ARNT: variants seen among roughly 807,000 people sequenced by gnomAD.
The protein encoded by ARNT is aryl hydrocarbon receptor nuclear translocator, also known as class E basic helix-loop-helix protein 2.
In ARNT, 30 loss-of-function variants were observed where a neutral mutation model predicts 105.0. The observed-to-expected ratio is 0.29, with a 90% CI of 0.21 to 0.39. The LOEUF is 0.39. Among genes scored for constraint, ARNT ranks in the 10% least tolerant of loss-of-function variants. ARNT has a pLI of 1.00. For missense variants in ARNT, 748 were observed against 978.7 expected, an observed-to-expected ratio of 0.76 and a Z score of 3.15; for synonymous variants, 304 against 344.0, an observed-to-expected ratio of 0.88 and a Z score of 1.29.
At chr1:150,832,902 C>A (rs1245816556) in intron 8 of ARNT, among the ~76,000 whole-genome samples, 2 of 152,210 alleles carry the variant, frequency 1.3e-5, no homozygotes, top group Non-Finnish European at 2.9e-5. Flanking sequence ...TTAGCCATGT[C>A]CACATATTGG....
At chr1:150,813,618 AT>A (rs1172505788) in intron 20 of ARNT, among the ~76,000 whole-genome samples, 1 of 150,898 alleles carries the variant, frequency 6.6e-6, no homozygotes, top group African/African-American at 2.4e-5. Flanking sequence ...GTGCTAAAGT[AT>A]TTTTCATGTG....
chr1:150,815,318 G>A (rs1158280435), intron 19 of ARNT, among the ~76,000 whole-genome samples: 7 of 152,140 alleles, frequency 4.6e-5, no homozygotes, highest in African/African-American at 1.7e-4. Context: ...GGAGGCCGAG[G>A]AGGGCGGATC....
In ARNT at chr1:150,830,051, A is replaced by C. The variant is rs1659076273; in HGVS notation, c.956-71T>G. ...AAATGCCTTCAAAACTCAGACAAGT[A>C]AAGATTCAAAATAGACCTATTTATG... On this transcript the variant is annotated intron_variant, in intron 10 of 21. Coordinates refer to ENST00000358595, the MANE Select transcript of ARNT (RefSeq NM_001668.4). 5.8e-6 allele frequency: 9 copies of C among 1,545,722 alleles called. No individual in the cohort carries two copies. In the Admixed American group the frequency reaches 1.6e-4, roughly 27 times the overall value.
In ARNT at chr1:150,846,388, T is replaced by A. The variant is rs1475946196; in HGVS notation, c.183-81A>T. ...CTCTGAAAAGTAAACTAGAAAGGGG[T>A]GAAAATATTCAATAGAAAAAAAGCC... On this transcript the variant is annotated intron_variant, in intron 3 of 21. Transcript: ENST00000358595. The A allele has an allele frequency of 4.3e-6, 6 of 1,395,624 alleles. No individual in the cohort carries two copies. The East Asian group carries it at 1.4e-4, about 33-fold the overall frequency. The allele number at this position is 1,395,624 out of a possible 1,614,324, so 86.5% of individuals were successfully genotyped here. A position where few individuals can be genotyped will look rare whatever the true frequency, so the allele number is the denominator to read the frequency against.
intron 1 of ARNT, among the ~76,000 whole-genome samples, chr1:150,867,049 T>C (rs964142796): frequency 3.3e-5 from 5 of 151,180 alleles, no homozygotes; most frequent in African/African-American, 9.7e-5. Flanking sequence ...CTACTAAAGA[T>C]ACAAAAAATT....
intron 5 of ARNT, among the ~76,000 whole-genome samples, 169 bp from the exon 6 acceptor site, chr1:150,839,823 C>T (rs587687688): frequency 6.6e-6 from 1 of 152,308 alleles, no homozygotes; most frequent in Admixed American, 6.5e-5. Flanking sequence ...TCATGCAAAG[C>T]AAGCATGAAA....
intron 21 of ARNT, 147 bp downstream of exon 21, chr1:150,813,025 T>G: frequency 1.1e-6 from 1 of 872,602 alleles, no homozygotes; most frequent in Non-Finnish European, 1.7e-6. Context: ...TAACTGACAG[T>G]GATCCCTACA....
intron 11 of ARNT, 95 bp downstream of exon 11, chr1:150,829,809 T>A: frequency 7.5e-7 from 1 of 1,327,978 alleles, no homozygotes; most frequent in East Asian, 2.3e-5. Context: ...GAATTCTTCA[T>A]TTGTATTCAG....
At chr1:150,870,879 A>G (rs969650842) in intron 1 of ARNT, among the ~76,000 whole-genome samples, 1 of 151,880 alleles carries the variant, frequency 6.6e-6, no homozygotes, top group African/African-American at 2.4e-5. Flanking sequence ...GGGAAAATAT[A>G]AAATGGGCCT....
intron 12 of ARNT, among the ~76,000 whole-genome samples, chr1:150,827,850 T>G (rs1331299817): frequency 6.6e-6 from 1 of 152,242 alleles, no homozygotes; most frequent in African/African-American, 2.4e-5. Context: ...ACTTTTTGAT[T>G]ACAGCCATTC....
intron 2 of ARNT, among the ~76,000 whole-genome samples, chr1:150,855,965 C>A (rs1014205465): frequency 3.3e-5 from 5 of 151,598 alleles, no homozygotes; most frequent in Non-Finnish European, 5.9e-5. Context: ...TGTGTGTGTG[C>A]GTGTGTATTG....
At chr1:150,848,456 A>C (rs1280597991) in intron 3 of ARNT, among the ~76,000 whole-genome samples, 1 of 48,174 alleles carries the variant, frequency 2.1e-5, no homozygotes, top group Non-Finnish European at 4.0e-5. Context: ...GACTCCTCTC[A>C]AAAAAAAAAA....
At chr1:150,846,230 T>C (rs1479736574) in intron 4 of ARNT, 33 bp downstream of exon 4, 4 of 1,564,682 alleles carry the variant, frequency 2.6e-6, no homozygotes, top group Non-Finnish European at 3.5e-6. Flanking sequence ...GATCATATTA[T>C]ATATTACAAT....
intron 1 of ARNT, among the ~76,000 whole-genome samples, chr1:150,871,720 G>A (rs1667468003): frequency 6.9e-6 from 1 of 145,532 alleles, no homozygotes; most frequent in South Asian, 2.3e-4. Context: ...GACCAGCCTG[G>A]CCAACATGGA....
chr1:150,814,327 C>CT, intron 19 of ARNT, 88 bp from the exon 20 acceptor site: 1 of 1,310,344 alleles, frequency 7.6e-7, no homozygotes, highest in Non-Finnish European at 1.1e-6. Flanking sequence ...CACTGTCAAT[C>CT]ACTGCATCCT....
chr1:150,864,770 A>AAT lies in ARNT; in HGVS notation c.26-6311_26-6310insAT, dbSNP rs1557960674. ...TAAAACTTAAAGTATAATAAAAAAT[A>AAT]AATAAATAAATAAATAAATAAATAA... is the stretch of plus-strand genomic sequence containing the variant. On this transcript the variant is annotated intron_variant, in intron 1 of 21. Transcript: ENST00000358595. 2.1e-4 allele frequency among the ~76,000 whole-genome samples: 17 copies of AAT among 79,422 alleles called. 1 individual carries two copies. In the South Asian group the frequency reaches 4.3e-3, roughly 20 times the overall value. 52.1% of individuals were successfully genotyped at this position (79,422 alleles called of 152,430 possible).
rs778885896 is a variant in ARNT at position 150,823,978 on chromosome 1, G to A, written c.1243-633C>T. Among the ~76,000 whole-genome samples, 19 of 149,794 alleles carry A rather than the reference G, an allele frequency of 1.3e-4. No homozygotes were observed. In the Middle Eastern group the frequency reaches 0.011, roughly 85 times the overall value. On this transcript the variant is annotated intron_variant, in intron 13 of 21. Coordinates refer to ENST00000358595, the MANE Select transcript of ARNT (RefSeq NM_001668.4). ...CTGCCTCAGCCTCCCAAGTAGCTGA[G>A]ATTATAGGCACGTGCCACCACGCCC...
chr1:150,829,176 C>T lies in ARNT; in HGVS notation c.1084G>A (p.Glu362Lys). 6.2e-7 allele frequency: 1 copy of T among 1,614,158 alleles called. No individual in the cohort carries two copies. Among genetic ancestry groups the T allele is most frequent in the Non-Finnish European group, 8.5e-7 (1 of 1,180,006 alleles). Residue 362 changes from glutamate to lysine, a missense_variant, in exon 12 of 22, where the codon GAG (glutamate) becomes AAG (lysine). Physicochemically the swap from Glu to Lys is moderately conservative, Grantham distance 56. Around this residue, in one of 4 missense-constraint regions of ARNT, gnomAD observed 291 missense variants for 444.6 expected, o/e 0.65. Transcript: ENST00000358595. ...TCAATGTTGTGTCGGGAGATGAACT[C>T]TGTTGGTTGACAAACATTACTCATG... ...TDMSNVCQPT[E>K]FISRHNIEGI...
chr1:150,862,422 T>C (rs1306191513), intron 1 of ARNT, among the ~76,000 whole-genome samples: 1 of 152,132 alleles, frequency 6.6e-6, no homozygotes, highest in African/African-American at 2.4e-5. Context: ...TTCAAATTTG[T>C]GGTCATTTTC....
Sources: gnomAD v4.1 joint callset for allele counts (sites outside exome capture counted in the v4.1 genomes callset) on GRCh38, gnomAD v4.1.1 for gene constraint, gnomAD v4.1.1 regional missense constraint, MANE v1.5 for transcripts, NCBI Gene and HGNC (gene_info 2026-07-23, HGNC 2026-07-21) for gene names.